The following NXPE4 variants were observed in gnomAD, a reference collection of about 807,000 sequenced individuals.
NXPE4 encodes the protein neurexophilin and PC-esterase domain family member 4.
A neutral mutation model predicts 33.3 loss-of-function variants in NXPE4; 42 were observed. The observed-to-expected ratio is 1.26, with a 90% confidence interval of 0.98 to 1.63. The LOEUF (loss-of-function observed/expected upper bound fraction) is 1.63. Among genes scored for constraint, NXPE4 ranks in the 40% most tolerant of loss-of-function variants. NXPE4 has a pLI of 0.00. For synonymous variants in NXPE4, 253 were observed against 234.9 expected, an observed-to-expected ratio of 1.08 and a Z score of -0.71; for missense variants, 709 against 647.6, an observed-to-expected ratio of 1.09 and a Z score of -1.03.
At chr11:114,638,501 C>CT in the NXPE4 span, among the ~76,000 whole-genome samples, 6 of 152,042 alleles carry the variant, frequency 3.9e-5, no homozygotes, top group Admixed American at 2.0e-4. Context: ...TGTTCCATTG[C>CT]TGGTGAGGAA....
intron 2 of NXPE4, among the ~76,000 whole-genome samples, chr11:114,586,747 A>T (rs1009231665): frequency 2.0e-5 from 3 of 152,174 alleles, no homozygotes; most frequent in Non-Finnish European, 4.4e-5. Context: ...TGGCAACAGG[A>T]TCTGCAAGCT....
chr11:114,618,628 A>G, the NXPE4 span, among the ~76,000 whole-genome samples: 1 of 151,836 alleles, frequency 6.6e-6, no homozygotes, highest in Admixed American at 6.6e-5. Flanking sequence ...CCTTGTGAGT[A>G]ACCACTGTTC....
At chr11:114,648,743 A>G in the NXPE4 span, among the ~76,000 whole-genome samples, 158 of 152,286 alleles carry the variant, frequency 1.0e-3, no homozygotes, top group African/African-American at 3.7e-3. Context: ...GCATACAACT[A>G]AAAACTTACT....
At chr11:114,617,844 A>C in the NXPE4 span, among the ~76,000 whole-genome samples, 2 of 151,236 alleles carry the variant, frequency 1.3e-5, no homozygotes, top group Non-Finnish European at 3.0e-5. Context: ...AGTGTTACCC[A>C]GTTGATAATA....
At chr11:114,615,446 C>G in the NXPE4 span, among the ~76,000 whole-genome samples, 1 of 152,018 alleles carries the variant, frequency 6.6e-6, no homozygotes, top group African/African-American at 2.4e-5. Context: ...TGGGTAACCA[C>G]TGTTACCCAG....
chr11:114,649,586 A>C, the NXPE4 span, among the ~76,000 whole-genome samples: 1 of 152,196 alleles, frequency 6.6e-6, no homozygotes, highest in Non-Finnish European at 1.5e-5. Context: ...TAGGTAAAAA[A>C]CATCTTGAGA....
the NXPE4 span, among the ~76,000 whole-genome samples, chr11:114,610,469 T>C: frequency 5.3e-5 from 8 of 151,248 alleles, no homozygotes; most frequent in Non-Finnish European, 8.9e-5. Flanking sequence ...GTGTTGTTTC[T>C]AGGGTAACCA....
chr11:114,608,354 T>C, the NXPE4 span, among the ~76,000 whole-genome samples: 3 of 151,876 alleles, frequency 2.0e-5, no homozygotes, highest in African/African-American at 7.3e-5. Context: ...GCCACGTGGG[T>C]AACAACTCTT....
chr11:114,672,436 G>A, the NXPE4 span, among the ~76,000 whole-genome samples: 4 of 151,546 alleles, frequency 2.6e-5, no homozygotes, highest in Non-Finnish European at 2.9e-5. Flanking sequence ...AGATGCAAAG[G>A]GCGTATTAAA....
chr11:114,617,110 G>T, the NXPE4 span, among the ~76,000 whole-genome samples: 1 of 151,780 alleles, frequency 6.6e-6, no homozygotes, highest in Non-Finnish European at 1.5e-5. Context: ...GTGTTGCCTC[G>T]TGGGTAACCA....
chr11:114,629,797 C>T, the NXPE4 span, among the ~76,000 whole-genome samples: 1 of 150,640 alleles, frequency 6.6e-6, no homozygotes, highest in African/African-American at 2.4e-5. Context: ...AAAATCTCCT[C>T]AAGCTGATAA....
the NXPE4 span, among the ~76,000 whole-genome samples, chr11:114,659,602 A>G: frequency 1.3e-5 from 2 of 152,134 alleles, no homozygotes; most frequent in Non-Finnish European, 1.5e-5. Flanking sequence ...AAGTCACAAG[A>G]ATACTAGAAA....
the NXPE4 span, among the ~76,000 whole-genome samples, chr11:114,607,849 T>C: frequency 2.7e-5 from 4 of 150,202 alleles, no homozygotes; most frequent in Non-Finnish European, 4.4e-5. Flanking sequence ...AGTATTGCCT[T>C]GCAGGTAACC....
the NXPE4 span, among the ~76,000 whole-genome samples, chr11:114,618,618 C>T: frequency 2.0e-5 from 3 of 151,926 alleles, no homozygotes. Context: ...ATAAGTATTG[C>T]CTTGTGAGTA....
the NXPE4 span, among the ~76,000 whole-genome samples, chr11:114,656,745 A>G: frequency 7.2e-5 from 11 of 152,196 alleles, no homozygotes; most frequent in Middle Eastern, 3.2e-3. Context: ...TATTTGTAAT[A>G]TACTTAATAC....
At chr11:114,571,972 C>A (rs1043797453) in intron 5 of NXPE4, among the ~76,000 whole-genome samples, 1 of 152,192 alleles carries the variant, frequency 6.6e-6, no homozygotes, top group African/African-American at 2.4e-5. Flanking sequence ...AACAAAAACA[C>A]AACCAAAGAC....
the NXPE4 span, among the ~76,000 whole-genome samples, chr11:114,667,219 T>C: frequency 1.3e-5 from 2 of 152,156 alleles, no homozygotes; most frequent in Admixed American, 1.3e-4. Context: ...TGAAGGTATC[T>C]TTCTGAACTT....
At chr11:114,625,051 T>A in the NXPE4 span, among the ~76,000 whole-genome samples, 1 of 150,010 alleles carries the variant, frequency 6.7e-6, no homozygotes, top group South Asian at 2.1e-4. Flanking sequence ...ACTGTTACCC[T>A]GTGGATGATA....
chr11:114,592,514 A>AACAC lies in NXPE4; in HGVS notation c.96+2146_96+2149dup, dbSNP rs144805587. 1.5e-3 allele frequency among the ~76,000 whole-genome samples: 226 copies of AACAC among 151,080 alleles called. 1 individual carries two copies. Among genetic ancestry groups the AACAC allele is most frequent in the African/African-American group, 5.1e-3 (212 of 41,324 alleles). Reference sequence around the variant, plus strand: ...AAAACATTGATGCAAGAAATTGGAGAACACACACACACACACTCACACACA... The same window carrying AACAC: ...AAAACATTGATGCAAGAAATTGGAGAACACACACACACACACACACTCACACACA... On this transcript the variant is annotated intron_variant, in intron 2 of 5. Transcript: ENST00000375478.
Sources: allele counts gnomAD v4.1 joint callset (sites outside exome capture counted in the v4.1 genomes callset), GRCh38; gene constraint gnomAD v4.1.1; transcripts MANE v1.5; gene names NCBI Gene and HGNC (gene_info 2026-07-23, HGNC 2026-07-21).